The following PRKX variants were observed in gnomAD, a reference collection of about 807,000 sequenced individuals.
PRKX encodes cAMP-dependent protein kinase catalytic subunit PRKX.
PRKX carries 12 observed loss-of-function variants against 22.0 expected under a neutral mutation model. That is an observed-to-expected ratio of 0.54 (90% CI 0.35 to 0.88). The LOEUF (loss-of-function observed/expected upper bound fraction) is 0.88. Among genes scored for constraint, PRKX ranks in the 40% least tolerant of loss-of-function variants. PRKX has a pLI of 0.01. For synonymous variants in PRKX, 134 were observed against 137.7 expected, an observed-to-expected ratio of 0.97 and a Z score of 0.19; for missense variants, 217 against 308.0, an observed-to-expected ratio of 0.70 and a Z score of 2.21.
At chrX:3,667,106 A>C (rs923865344) in intron 2 of PRKX, among the ~76,000 whole-genome samples, 11 of 111,153 alleles carry the variant, frequency 9.9e-5, no homozygotes, top group African/African-American at 3.6e-4. Context: ...GAGGTTTCCA[A>C]GTCCCCTCCC....
At chrX:3,659,863 T>TCC (rs1404653507) in intron 2 of PRKX, among the ~76,000 whole-genome samples, 91 of 110,111 alleles carry the variant, frequency 8.3e-4, no homozygotes, top group African/African-American at 2.9e-3. Flanking sequence ...TAGCTGGGAT[T>TCC]ACAGGCGCAT....
intron 1 of PRKX, among the ~76,000 whole-genome samples, chrX:3,693,689 G>C (rs1928380593): frequency 9.0e-6 from 1 of 110,804 alleles, no homozygotes; most frequent in South Asian, 3.8e-4. Context: ...TGTAATCCCA[G>C]CACTTTGGGA....
chrX:3,669,933 C>T (rs1229301513), intron 2 of PRKX, among the ~76,000 whole-genome samples: 3 of 111,897 alleles, frequency 2.7e-5, no homozygotes, highest in Non-Finnish European at 5.6e-5. Context: ...CCTGAAGGAA[C>T]ACTTGGTTAT....
At chrX:3,693,763 G>A (rs1031430461) in intron 1 of PRKX, among the ~76,000 whole-genome samples, 9 of 107,630 alleles carry the variant, frequency 8.4e-5, no homozygotes, top group Non-Finnish European at 1.3e-4. Context: ...AGGTGAAACC[G>A]CGTCTCTACT....
chrX:3,609,380 C>T (rs751902467), intron 8 of PRKX, among the ~76,000 whole-genome samples: 7 of 111,721 alleles, frequency 6.3e-5, no homozygotes, highest in East Asian at 2.8e-4. Flanking sequence ...AGGCTGGTCT[C>T]GAACTCCTGA....
At chrX:3,615,220 T>C (rs188959776) in intron 7 of PRKX, among the ~76,000 whole-genome samples, 9 of 109,544 alleles carry the variant, frequency 8.2e-5, no homozygotes, top group African/African-American at 3.0e-4. Context: ...GATTTCACCA[T>C]ATTGCCCAGG....
At chrX:3,617,136 TTATA>T (rs1419295821) in intron 6 of PRKX, among the ~76,000 whole-genome samples, 1 of 84,019 alleles carries the variant, frequency 1.2e-5, no homozygotes, top group Non-Finnish European at 2.3e-5. Context: ...ACACATATAT[TTATA>T]TATACACATA....
At chrX:3,658,801 TA>T (rs1927533196) in intron 2 of PRKX, among the ~76,000 whole-genome samples, 1 of 110,393 alleles carries the variant, frequency 9.1e-6, no homozygotes, top group Non-Finnish European at 1.9e-5. Context: ...ACCCCGCTGG[TA>T]TACAAAGAAA....
intron 1 of PRKX, among the ~76,000 whole-genome samples, chrX:3,701,801 C>T (rs1176702183): frequency 9.0e-6 from 1 of 111,719 alleles, no homozygotes; most frequent in Admixed American, 9.5e-5. Flanking sequence ...ACAAGAGTGA[C>T]CTCTGGTTGT....
At chrX:3,686,403 A>AT (rs757799598) in intron 1 of PRKX, among the ~76,000 whole-genome samples, 13,750 of 96,864 alleles carry the variant, frequency 0.14, 1,327 homozygotes, top group African/African-American at 0.32. Flanking sequence ...AAAGCTGATG[A>AT]TTTTTTTTTT....
At position 3,627,065 on chromosome X, in the gene PRKX, C is replaced by T. The variant is rs1043477847; in HGVS notation, c.720-551G>A. On this transcript the variant is annotated intron_variant, in intron 4 of 8. Transcript: ENST00000262848. The stretch of plus-strand genomic sequence containing the variant: ...ATCATCAGGGAAATGCAAATCAAAA[C>T]CTCAATGAGGTGTCAATCATCTCAA... 7.2e-5 allele frequency among the ~76,000 whole-genome samples: 8 copies of T among 111,394 alleles called. No homozygotes were observed. In the Admixed American group the frequency reaches 7.7e-4, roughly 11 times the overall value.
At chrX:3,681,674 A>C (rs1182628645) in intron 1 of PRKX, among the ~76,000 whole-genome samples, 1 of 91,038 alleles carries the variant, frequency 1.1e-5, no homozygotes, top group Non-Finnish European at 2.4e-5. Flanking sequence ...TTAAATAATA[A>C]ATATATCTCT....
chrX:3,677,011 C>G (rs1420800860), intron 1 of PRKX, among the ~76,000 whole-genome samples: 1 of 111,593 alleles, frequency 9.0e-6, no homozygotes, highest in African/African-American at 3.3e-5. Flanking sequence ...ATTAACCAGT[C>G]TCAGGTATGT....
At chrX:3,636,555 G>C in intron 4 of PRKX, among the ~76,000 whole-genome samples, 1 of 113,123 alleles carries the variant, frequency 8.8e-6, no homozygotes, top group Admixed American at 9.3e-5. Context: ...AGCATGTGCA[G>C]TGGAAGAGAA....
chrX:3,660,546 C>G (rs1371661261), intron 2 of PRKX, among the ~76,000 whole-genome samples: 1 of 111,569 alleles, frequency 9.0e-6, no homozygotes, highest in Non-Finnish European at 1.9e-5. Flanking sequence ...TGGATATATC[C>G]TGTATCCTCC....
intron 2 of PRKX, among the ~76,000 whole-genome samples, chrX:3,664,742 A>T (rs1192091994): frequency 8.9e-6 from 1 of 112,451 alleles, no homozygotes; most frequent in Non-Finnish European, 1.9e-5. Context: ...AGTCTCACTC[A>T]AAAGTAGGAG....
intron 1 of PRKX, among the ~76,000 whole-genome samples, chrX:3,675,120 G>A (rs1038763592): frequency 1.8e-5 from 2 of 111,776 alleles, no homozygotes; most frequent in African/African-American, 6.5e-5. Flanking sequence ...CCCACATGGA[G>A]AAGCATTAGA....
At chrX:3,695,069 T>G (rs889829194) in intron 1 of PRKX, among the ~76,000 whole-genome samples, 1 of 111,487 alleles carries the variant, frequency 9.0e-6, no homozygotes, top group Non-Finnish European at 1.9e-5. Context: ...GCTGGATATC[T>G]TGGGAAAAAT....
intron 3 of PRKX, among the ~76,000 whole-genome samples, chrX:3,647,314 A>G (rs1927208621): frequency 9.3e-6 from 1 of 107,012 alleles, no homozygotes; most frequent in Non-Finnish European, 1.9e-5. Flanking sequence ...ATGAGCACAT[A>G]TAATTATTTG....
Sources: allele counts gnomAD v4.1 joint callset (sites outside exome capture counted in the v4.1 genomes callset), GRCh38; gene constraint gnomAD v4.1.1; transcripts MANE v1.5; gene names NCBI Gene and HGNC (gene_info 2026-07-23, HGNC 2026-07-21).